KCTD8: variants seen among roughly 807,000 people sequenced by gnomAD.
KCTD8 encodes potassium channel tetramerization domain containing 8, also known as BTB/POZ domain-containing protein KCTD8.
In KCTD8, 27 loss-of-function variants were observed where a neutral mutation model predicts 31.5. The observed-to-expected ratio is 0.86, with a 90% CI of 0.63 to 1.18. The LOEUF (loss-of-function observed/expected upper bound fraction) is 1.18, where lower values mean the gene tolerates loss of function less well. KCTD8 is among the 50% of genes most tolerant of loss of function. The probability of loss-of-function intolerance (pLI) is 0.00; values close to 1 mark genes in which losing one functional copy is unlikely to be tolerated. For missense variants in KCTD8, 658 were observed against 647.7 expected, an observed-to-expected ratio of 1.02 and a Z score of -0.17; for synonymous variants, 290 against 280.0, an observed-to-expected ratio of 1.04 and a Z score of -0.36.
intron 1 of KCTD8, among the ~76,000 whole-genome samples, chr4:44,241,133 T>C (rs1330950324): frequency 6.6e-6 from 1 of 152,206 alleles, no homozygotes; most frequent in East Asian, 1.9e-4. Flanking sequence ...TCCATGACTT[T>C]CTCCTAGGCC....
At chr4:44,251,506 A>AT (rs1472453572) in intron 1 of KCTD8, among the ~76,000 whole-genome samples, 1 of 151,380 alleles carries the variant, frequency 6.6e-6, no homozygotes, top group African/African-American at 2.4e-5. Context: ...GAAATTTTAT[A>AT]TTTTTTCCAT....
At chr4:44,265,215 C>A (rs971321956) in intron 1 of KCTD8, among the ~76,000 whole-genome samples, 59 of 152,108 alleles carry the variant, frequency 3.9e-4, no homozygotes, top group African/African-American at 1.4e-3. Context: ...AACGATCAGA[C>A]AGCAGCATTC....
chr4:44,447,339 G>C (rs1222699269), intron 1 of KCTD8, among the ~76,000 whole-genome samples: 1 of 152,226 alleles, frequency 6.6e-6, no homozygotes, highest in Non-Finnish European at 1.5e-5. Flanking sequence ...GGAGCTGGGT[G>C]CTACTGAGTT....
chr4:44,269,889 C>T (rs1036319999), intron 1 of KCTD8, among the ~76,000 whole-genome samples: 1 of 152,124 alleles, frequency 6.6e-6, no homozygotes, highest in African/African-American at 2.4e-5. Context: ...AGTCAGGAAA[C>T]AACACATGCT....
At chr4:44,216,829 G>A (rs1376356108) in intron 1 of KCTD8, among the ~76,000 whole-genome samples, 1 of 152,150 alleles carries the variant, frequency 6.6e-6, no homozygotes, top group African/African-American at 2.4e-5. Context: ...ATGCATTCAT[G>A]AGTGCGCATG....
intron 1 of KCTD8, among the ~76,000 whole-genome samples, chr4:44,380,097 T>A (rs902632942): frequency 6.6e-6 from 1 of 152,034 alleles, no homozygotes; most frequent in Non-Finnish European, 1.5e-5. Context: ...GAGTCACACT[T>A]AATTATACAA....
chr4:44,381,729 A>T (rs1195532006), intron 1 of KCTD8, among the ~76,000 whole-genome samples: 2 of 151,406 alleles, frequency 1.3e-5, no homozygotes, highest in African/African-American at 4.8e-5. Flanking sequence ...TCACTCTGAG[A>T]TCTGGTTGTT....
chr4:44,371,760 A>T (rs1262009590), intron 1 of KCTD8, among the ~76,000 whole-genome samples: 1 of 152,226 alleles, frequency 6.6e-6, no homozygotes, highest in Admixed American at 6.5e-5. Flanking sequence ...TGTAAAATAG[A>T]TGAATCCCCA....
intron 1 of KCTD8, among the ~76,000 whole-genome samples, chr4:44,289,060 G>C (rs1437156092): frequency 6.6e-6 from 1 of 150,906 alleles, no homozygotes. Context: ...CATATTTTGA[G>C]AATTCTTATC....
chr4:44,201,075 G>A (rs575157795), intron 1 of KCTD8, among the ~76,000 whole-genome samples: 124 of 151,776 alleles, frequency 8.2e-4, no homozygotes, highest in African/African-American at 2.8e-3. Context: ...CAAAGAAAAT[G>A]AAAAACCTAG....
At chr4:44,266,396 G>C (rs1401524249) in intron 1 of KCTD8, among the ~76,000 whole-genome samples, 60 of 152,208 alleles carry the variant, frequency 3.9e-4, no homozygotes, top group African/African-American at 1.2e-3. Flanking sequence ...GAAGGAAGCA[G>C]TAAACATGGA....
chr4:44,248,108 C>T (rs995557777), intron 1 of KCTD8, among the ~76,000 whole-genome samples: 1 of 151,872 alleles, frequency 6.6e-6, no homozygotes, highest in Non-Finnish European at 1.5e-5. Context: ...TTTTTTAACA[C>T]TTACATGACA....
chr4:44,438,250 C>T (rs1216617977), intron 1 of KCTD8, among the ~76,000 whole-genome samples: 2 of 152,262 alleles, frequency 1.3e-5, no homozygotes, highest in East Asian at 1.9e-4. Flanking sequence ...AGCTGATTGA[C>T]AGCTAACATA....
At chr4:44,276,059 G>T (rs1716741204) in intron 1 of KCTD8, among the ~76,000 whole-genome samples, 1 of 151,958 alleles carries the variant, frequency 6.6e-6, no homozygotes, top group South Asian at 2.1e-4. Context: ...CCAAAAGAGT[G>T]GCATCCCAAG....
At chr4:44,403,464 C>T (rs1263618459) in intron 1 of KCTD8, among the ~76,000 whole-genome samples, 1 of 150,776 alleles carries the variant, frequency 6.6e-6, no homozygotes, top group African/African-American at 2.4e-5. Context: ...GGCTTAAACA[C>T]CAAAAATTTA....
At chr4:44,181,891 G>C (rs182480386) in intron 1 of KCTD8, among the ~76,000 whole-genome samples, 6 of 150,778 alleles carry the variant, frequency 4.0e-5, no homozygotes, top group African/African-American at 1.5e-4. Context: ...GAGCCCCTCC[G>C]CCTGGCAGCC....
chr4:44,280,147 T>C (rs1716865190), intron 1 of KCTD8, among the ~76,000 whole-genome samples: 1 of 152,008 alleles, frequency 6.6e-6, no homozygotes, highest in African/African-American at 2.4e-5. Context: ...AAGCTTTCTC[T>C]TACCTTTCGA....
rs1713128944 is a variant in KCTD8, at chr4:44,174,231, GC to G, written c.*558del. The G allele has an allele frequency of 6.7e-6, 1 of 148,906 alleles. No individual in the cohort carries two copies. The highest frequency in any genetic ancestry group is 2.6e-5 in the African/African-American group (1 of 38,796). The allele number at this position is 148,906 out of a possible 1,614,324, so 9.2% of individuals were successfully genotyped here. A position where few individuals can be genotyped will look rare whatever the true frequency, so the allele number is the denominator to read the frequency against. Reference sequence around the variant, plus strand: ...GGCTTTGTCTAAAACATTTTTTTTTGCTTTTTTTTGTAATTTTTTTCTTTCC... The same window carrying G: ...GGCTTTGTCTAAAACATTTTTTTTTGTTTTTTTTGTAATTTTTTTCTTTCC... On this transcript the variant is annotated 3_prime_UTR_variant, in exon 2 of 2. Coordinates refer to ENST00000360029, the MANE Select transcript of KCTD8 (RefSeq NM_198353.3).
chr4:44,269,941 T>A (rs1316411720), intron 1 of KCTD8, among the ~76,000 whole-genome samples: 2 of 152,106 alleles, frequency 1.3e-5, no homozygotes, highest in East Asian at 3.9e-4. Flanking sequence ...ACACTGTTGG[T>A]GGGACTGTAA....
Sources: gnomAD v4.1 joint callset for allele counts (sites outside exome capture counted in the v4.1 genomes callset) on GRCh38, gnomAD v4.1.1 for gene constraint, MANE v1.5 for transcripts, NCBI Gene and HGNC (gene_info 2026-07-23, HGNC 2026-07-21) for gene names.